Variants in RAD51B observed in about 807,000 individuals in gnomAD.
RAD51B encodes the protein DNA repair protein RAD51 homolog 2.
Under a neutral mutation model 42.2 loss-of-function variants are expected in RAD51B, and 38 were observed. The observed-to-expected ratio is 0.90, with a 90% CI of 0.70 to 1.18. The LOEUF is 1.18. Among genes scored for constraint, RAD51B ranks in the 50% most tolerant of loss-of-function variants. RAD51B has a pLI of 0.00. For missense variants in RAD51B, 373 were observed against 400.7 expected (o/e 0.93, Z 0.59); for synonymous variants, 154 against 145.2 (o/e 1.06, Z -0.43).
chr14:68,414,425 T>A (rs1203291310), intron 9 of RAD51B, among the ~76,000 whole-genome samples: 1 of 152,166 alleles, frequency 6.6e-6, no homozygotes, highest in Non-Finnish European at 1.5e-5. Flanking sequence ...ACCAAAGACA[T>A]GTTCTTAGAG....
At chr14:67,843,323 A>C (rs755459927) in intron 4 of RAD51B, 11 of 132,986 alleles carry the variant, frequency 8.3e-5, no homozygotes, top group African/African-American at 3.2e-4. Context: ...TGTCTTTTAC[A>C]TTGTGTCTCT....
At chr14:67,988,129 CA>C (rs1380898819) in intron 7 of RAD51B, among the ~76,000 whole-genome samples, 4 of 151,946 alleles carry the variant, frequency 2.6e-5, no homozygotes, top group Non-Finnish European at 5.9e-5. Context: ...CCTGTAACTC[CA>C]AAATAAATGT....
chr14:68,651,831 G>A (rs1892705628), intron 11 of RAD51B, among the ~76,000 whole-genome samples: 1 of 152,152 alleles, frequency 6.6e-6, no homozygotes, highest in Non-Finnish European at 1.5e-5. Flanking sequence ...GCTCACGTAA[G>A]CCCTGAACCC....
chr14:68,339,021 C>T (rs1190549581), intron 8 of RAD51B: 1 of 658,152 alleles, frequency 1.5e-6, no homozygotes, highest in South Asian at 1.5e-5. Flanking sequence ...GGCAGGCAGG[C>T]AGAAGACAGC....
chr14:68,586,277 T>C (rs1218721683), intron 10 of RAD51B, among the ~76,000 whole-genome samples: 1 of 152,168 alleles, frequency 6.6e-6, no homozygotes, highest in Non-Finnish European at 1.5e-5. Context: ...CCCAGCTCAG[T>C]CTTCTTCCAT....
intron 7 of RAD51B, among the ~76,000 whole-genome samples, chr14:67,919,539 C>A (rs1478478141): frequency 2.0e-5 from 3 of 152,100 alleles, no homozygotes; most frequent in Non-Finnish European, 4.4e-5. Flanking sequence ...CACGGTTTCC[C>A]ACCTCTGGAA....
At chr14:68,152,603 T>C (rs1191485059) in intron 7 of RAD51B, among the ~76,000 whole-genome samples, 1 of 152,212 alleles carries the variant, frequency 6.6e-6, no homozygotes, top group African/African-American at 2.4e-5. Context: ...TTGGTAATTG[T>C]TTTAACTTTT....
chr14:68,134,592 C>T (rs2077969613), intron 7 of RAD51B, among the ~76,000 whole-genome samples: 1 of 151,956 alleles, frequency 6.6e-6, no homozygotes, highest in Non-Finnish European at 1.5e-5. Flanking sequence ...AATCATTTAG[C>T]GTTATCATTA....
At chr14:67,955,905 A>G (rs2074537499) in intron 7 of RAD51B, among the ~76,000 whole-genome samples, 1 of 152,192 alleles carries the variant, frequency 6.6e-6, no homozygotes. Flanking sequence ...GGCTTTTAGC[A>G]ATGAAAATAG....
chr14:67,936,383 A>G (rs934975722), intron 7 of RAD51B, among the ~76,000 whole-genome samples: 1 of 152,228 alleles, frequency 6.6e-6, no homozygotes, highest in African/African-American at 2.4e-5. Flanking sequence ...TTCATATAGC[A>G]TAAAGTTTTC....
intron 7 of RAD51B, among the ~76,000 whole-genome samples, chr14:68,063,488 C>T (rs1439121899): frequency 6.6e-6 from 1 of 152,110 alleles, no homozygotes; most frequent in Non-Finnish European, 1.5e-5. Context: ...GTAATCCCAG[C>T]ACTTTGGGAG....
At chr14:68,406,380 G>T (rs1015708942) in intron 8 of RAD51B, among the ~76,000 whole-genome samples, 1 of 152,190 alleles carries the variant, frequency 6.6e-6, no homozygotes, top group Non-Finnish European at 1.5e-5. Context: ...TCAGCATGTT[G>T]CTGTACTGAA....
intron 7 of RAD51B, among the ~76,000 whole-genome samples, chr14:68,274,410 A>G (rs762595354): frequency 7.9e-5 from 12 of 152,148 alleles, no homozygotes; most frequent in Non-Finnish European, 1.8e-4. Context: ...CTATCTTTAA[A>G]TCGATAAGGG....
At chr14:68,241,222 G>A (rs2080376568) in intron 7 of RAD51B, among the ~76,000 whole-genome samples, 1 of 152,072 alleles carries the variant, frequency 6.6e-6, no homozygotes, top group South Asian at 2.1e-4. Context: ...TTCTTCCTTT[G>A]TTATGAGAAA....
chr14:68,181,052 A>G (rs1401331367), intron 7 of RAD51B, among the ~76,000 whole-genome samples: 1 of 152,212 alleles, frequency 6.6e-6, no homozygotes, highest in African/African-American at 2.4e-5. Context: ...TAGTTACATC[A>G]ATGTTTGGAT....
intron 7 of RAD51B, among the ~76,000 whole-genome samples, chr14:68,028,822 G>A (rs1021866397): frequency 2.0e-5 from 3 of 152,200 alleles, no homozygotes; most frequent in Admixed American, 6.5e-5. Context: ...GCGGTCAGCT[G>A]GGTTAGAGCT....
At chr14:68,001,097 TA>T (rs1172246787) in intron 7 of RAD51B, among the ~76,000 whole-genome samples, 1 of 152,168 alleles carries the variant, frequency 6.6e-6, no homozygotes, top group Non-Finnish European at 1.5e-5. Flanking sequence ...TAATAGTTTT[TA>T]AAAAATGGGA....
At chr14:68,093,506 C>G (rs2140524875) in intron 7 of RAD51B, among the ~76,000 whole-genome samples, 2 of 152,284 alleles carry the variant, frequency 1.3e-5, no homozygotes, top group South Asian at 2.1e-4. Flanking sequence ...TTATAGTATT[C>G]TCTGATGTTA....
At chr14:67,905,125 A>T (rs891007423) in intron 7 of RAD51B, among the ~76,000 whole-genome samples, 1 of 152,122 alleles carries the variant, frequency 6.6e-6, no homozygotes, top group Non-Finnish European at 1.5e-5. Context: ...AGTCTTCTGC[A>T]TATGGCTAGC....
Sources: allele counts gnomAD v4.1 joint callset (sites outside exome capture counted in the v4.1 genomes callset), GRCh38; gene constraint gnomAD v4.1.1; transcripts MANE v1.5; gene names NCBI Gene and HGNC (gene_info 2026-07-23, HGNC 2026-07-21).